Variants in ZNF487 observed in about 807,000 individuals in gnomAD.
ZNF487 encodes zinc finger protein 487.
In ZNF487, 4 loss-of-function variants were observed where a neutral mutation model predicts 3.0. That is an observed-to-expected ratio of 1.35 (90% CI 0.66 to 3.08). The LOEUF (loss-of-function observed/expected upper bound fraction) is 3.08, where lower values mean the gene tolerates loss of function less well. Ranked by LOEUF, ZNF487 falls within the 30% of genes most tolerant of loss-of-function variation. The pLI is 0.01. For missense variants in ZNF487, 146 were observed against 98.7 expected, an observed-to-expected ratio of 1.48 and a Z score of -2.03; for synonymous variants, 55 against 34.6, an observed-to-expected ratio of 1.59 and a Z score of -2.06.
the ZNF487 span, among the ~76,000 whole-genome samples, chr10:43,522,050 A>G: frequency 6.6e-6 from 1 of 152,248 alleles, no homozygotes; most frequent in African/African-American, 2.4e-5. Context: ...CAACAGCAGA[A>G]TAAAACTACA....
At chr10:43,475,410 G>C (rs971579830) in intron 1 of ZNF487, among the ~76,000 whole-genome samples, 1 of 152,052 alleles carries the variant, frequency 6.6e-6, no homozygotes, top group African/African-American at 2.4e-5. Context: ...AGCTACTTGG[G>C]AGGCTGAGGT....
the ZNF487 span, among the ~76,000 whole-genome samples, chr10:43,502,204 A>G: frequency 6.6e-6 from 1 of 152,246 alleles, no homozygotes; most frequent in Non-Finnish European, 1.5e-5. Flanking sequence ...ATGCATCCAT[A>G]AAAAAGGATG....
chr10:43,446,366 G>A (rs555591348), intron 1 of ZNF487, among the ~76,000 whole-genome samples: 4 of 151,712 alleles, frequency 2.6e-5, no homozygotes, highest in Non-Finnish European at 2.9e-5. Flanking sequence ...CAGACGGTGC[G>A]GCTGCCAGGC....
the ZNF487 span, among the ~76,000 whole-genome samples, chr10:43,513,366 T>C: frequency 1.3e-5 from 2 of 152,208 alleles, no homozygotes; most frequent in Non-Finnish European, 2.9e-5. Context: ...GCTAATTTGC[T>C]CAAGCAATGA....
chr10:43,522,158 G>A, the ZNF487 span, among the ~76,000 whole-genome samples: 1 of 152,168 alleles, frequency 6.6e-6, no homozygotes, highest in Admixed American at 6.5e-5. Context: ...TGGGCAATAG[G>A]AGTTTTCTTT....
intron 1 of ZNF487, among the ~76,000 whole-genome samples, chr10:43,464,663 A>G (rs1378107811): frequency 2.0e-5 from 3 of 152,208 alleles, no homozygotes; most frequent in South Asian, 2.1e-4. Context: ...GACACAGCAC[A>G]TGTTTCAGAG....
the ZNF487 span, among the ~76,000 whole-genome samples, chr10:43,510,295 G>A: frequency 6.6e-6 from 1 of 152,152 alleles, no homozygotes; most frequent in Non-Finnish European, 1.5e-5. Context: ...ACCTCAGCAG[G>A]TCATGGTTTT....
At chr10:43,464,145 C>T (rs930434418) in intron 1 of ZNF487, among the ~76,000 whole-genome samples, 4 of 151,508 alleles carry the variant, frequency 2.6e-5, no homozygotes, top group African/African-American at 9.7e-5. Flanking sequence ...TTGTGCCGAA[C>T]AGCCCAAATG....
At chr10:43,512,302 G>A in the ZNF487 span, among the ~76,000 whole-genome samples, 3 of 152,300 alleles carry the variant, frequency 2.0e-5, no homozygotes, top group East Asian at 3.9e-4. Context: ...GGGCATTTGA[G>A]CCACTTCCTC....
At chr10:43,473,181 C>T (rs1463625610) in intron 1 of ZNF487, among the ~76,000 whole-genome samples, 1 of 149,502 alleles carries the variant, frequency 6.7e-6, no homozygotes, top group Non-Finnish European at 1.5e-5. Context: ...GATCTCGGCT[C>T]ACTGCAACCT....
At chr10:43,446,796 G>C (rs1839826740) in intron 1 of ZNF487, among the ~76,000 whole-genome samples, 3 of 152,192 alleles carry the variant, frequency 2.0e-5, no homozygotes. Context: ...CCGGGTGGCG[G>C]CTGGGAAGAG....
intron 1 of ZNF487, chr10:43,453,174 C>A (rs899883347): frequency 2.0e-5 from 3 of 151,954 alleles, no homozygotes; most frequent in African/African-American, 7.3e-5. Context: ...GAGACAGAGG[C>A]CTTATCTTTC....
At chr10:43,455,466 C>A (rs531876562) in intron 1 of ZNF487, among the ~76,000 whole-genome samples, 2 of 152,250 alleles carry the variant, frequency 1.3e-5, no homozygotes, top group Admixed American at 1.3e-4. Flanking sequence ...TGGGTTCGCT[C>A]GCCTTTCCAT....
chr10:43,496,160 T>C, the ZNF487 span: 11 of 505,178 alleles, frequency 2.2e-5, no homozygotes, highest in East Asian at 5.7e-5. Flanking sequence ...TTGCGTTTTA[T>C]ATACTTCAAA....
chr10:43,441,853 C>G (rs536443293), intron 1 of ZNF487, among the ~76,000 whole-genome samples: 1 of 152,192 alleles, frequency 6.6e-6, no homozygotes, highest in South Asian at 2.1e-4. Context: ...TCCCAAAGTT[C>G]TGGGATTACA....
chr10:43,438,138 C>G (rs968760629), intron 1 of ZNF487, among the ~76,000 whole-genome samples: 3 of 152,076 alleles, frequency 2.0e-5, no homozygotes, highest in Admixed American at 6.6e-5. Flanking sequence ...ATGGAGAGAA[C>G]TTGAATTTAG....
chr10:43,501,614 CCT>C, the ZNF487 span, among the ~76,000 whole-genome samples: 2 of 150,766 alleles, frequency 1.3e-5, no homozygotes, highest in Non-Finnish European at 3.0e-5. Context: ...GTGGCATGCG[CCT>C]GTAGTCCCAG....
chr10:43,502,202 A>G, the ZNF487 span, among the ~76,000 whole-genome samples: 1 of 152,262 alleles, frequency 6.6e-6, no homozygotes, highest in African/African-American at 2.4e-5. Context: ...CTATGCATCC[A>G]TAAAAAAGGA....
intron 1 of ZNF487, among the ~76,000 whole-genome samples, chr10:43,455,366 T>G (rs1320933481): frequency 6.6e-6 from 1 of 152,164 alleles, no homozygotes; most frequent in Non-Finnish European, 1.5e-5. Context: ...AGTCTCAAAT[T>G]TTGAGAAGCG....
Sources: gnomAD v4.1 joint callset for allele counts (sites outside exome capture counted in the v4.1 genomes callset) on GRCh38, gnomAD v4.1.1 for gene constraint, MANE v1.5 for transcripts, NCBI Gene and HGNC (gene_info 2026-07-23, HGNC 2026-07-21) for gene names.